COL1A1: variants seen among roughly 807,000 people sequenced by gnomAD.
The protein encoded by COL1A1 is collagen alpha-1(I) chain.
A neutral mutation model predicts 195.7 loss-of-function variants in COL1A1; 21 were observed. The ratio of observed to expected loss-of-function variants is 0.11; its 90% CI spans 0.08 to 0.15. The LOEUF (loss-of-function observed/expected upper bound fraction) is 0.15. Ranked by LOEUF, COL1A1 falls within the 10% of genes least tolerant of loss-of-function variation. The pLI is 1.00. For synonymous variants in COL1A1, 749 were observed against 747.3 expected, an observed-to-expected ratio of 1.00 and a Z score of -0.04; for missense variants, 1,365 against 2,051.0, an observed-to-expected ratio of 0.67 and a Z score of 6.46.
chr17:50,195,354 C>T lies in COL1A1; in HGVS notation c.1201-24G>A, dbSNP rs756422066. 1.2e-5 allele frequency: 19 copies of T among 1,613,402 alleles called. No individual in the cohort carries two copies. Among genetic ancestry groups the T allele is most frequent in the African/African-American group, 4.0e-5 (3 of 74,812 alleles). On this transcript the variant is annotated intron_variant, in intron 18 of 50. Coordinates refer to ENST00000225964, the MANE Select transcript of COL1A1 (RefSeq NM_000088.4). The surrounding 1 kb of genome is among the most constrained non-coding windows in gnomAD (Gnocchi z 4.3). ...CCCTGTGGGAGGCAGACAGCCAGGG[C>T]GTGAGCCTAGGAGCAGAGGGAAAGG... is the stretch of plus-strand genomic sequence containing the variant.
chr17:50,200,086 A>C, intron 1 of COL1A1, 139 bp from the exon 2 acceptor site: 3 of 943,944 alleles, frequency 3.2e-6, no homozygotes, highest in Non-Finnish European at 5.0e-6. Flanking sequence ...AAATCCTTAA[A>C]AGCTCGCCTG....
At position 50,199,871 on chromosome 17, in the gene COL1A1, G is replaced by A. The variant is rs374909743; in HGVS notation, c.180C>T (p.Ile60=). Residue 60 remains isoleucine, a synonymous_variant, in exon 2 of 51, where the codon ATC becomes ATT. Coordinates refer to ENST00000225964, the MANE Select transcript of COL1A1 (RefSeq NM_000088.4). ...RDVWKPEPCR[I]CVCDNGKVLC... ...ACACCTTGCCGTTGTCGCAGACGCA[G>A]ATCCGGCAGGGCTCGGGTTTCCACA... 2.5e-6 allele frequency: 4 copies of A among 1,614,096 alleles called. No individual in the cohort carries two copies. In the African/African-American group the frequency reaches 4.0e-5, roughly 16 times the overall value.
chr17:50,199,956 G>A lies in COL1A1; in HGVS notation c.104-9C>T. On this transcript the variant is annotated splice_polypyrimidine_tract_variant and intron_variant, in intron 1 of 50. Transcript: ENST00000225964. The stretch of plus-strand genomic sequence containing the variant: ...GCAGGTGATTGGTGGGACTGGGACA[G>A]GCGGAAGAGGGGCGTTGTCAGTAGT... The A allele has an allele frequency of 6.2e-7, 1 of 1,614,082 alleles. No homozygotes were observed. The highest frequency in any genetic ancestry group is 8.5e-7 in the Non-Finnish European group (1 of 1,180,016).
At chr17:50,196,269 C>A in intron 14 of COL1A1, 45 bp downstream of exon 14, 1 of 1,610,248 alleles carries the variant, frequency 6.2e-7, no homozygotes, top group Non-Finnish European at 8.5e-7. Context: ...CCTGGGGAGC[C>A]CCTTCCAGAG....
chr17:50,189,993 C>G lies in COL1A1; in HGVS notation c.2559+8G>C, dbSNP rs1329991900. 6.2e-7 allele frequency: 1 copy of G among 1,611,936 alleles called. No individual in the cohort carries two copies. The highest frequency in any genetic ancestry group is 8.5e-7 in the Non-Finnish European group (1 of 1,179,096). Reference sequence around the variant, plus strand: ...AGCCTCGTGGGCACAGAGGGCCAAGCCACTCACAATGGGGCCAGGGGGTCC... The same window carrying G: ...AGCCTCGTGGGCACAGAGGGCCAAGGCACTCACAATGGGGCCAGGGGGTCC... On this transcript the variant is annotated splice_region_variant and intron_variant, in intron 36 of 50. Coordinates refer to ENST00000225964, the MANE Select transcript of COL1A1 (RefSeq NM_000088.4). The surrounding 1 kb of genome is among the most constrained non-coding windows in gnomAD (Gnocchi z 5.5).
chr17:50,201,138 C>T (rs1245888748), intron 1 of COL1A1, among the ~76,000 whole-genome samples: 1 of 152,230 alleles, frequency 6.6e-6, no homozygotes, highest in East Asian at 1.9e-4. Context: ...GCACCCAGAT[C>T]CCCACTTCCC....
rs369422507 is a variant in COL1A1 at position 50,194,567 on chromosome 17, G to A, written c.1515+6C>T. ...GGTCAGCCCCCCGGCCGCAAGGAGA[G>A]GTTACCTTGGGACCAGCAACACCAT... On this transcript the variant is annotated splice_donor_region_variant and intron_variant, in intron 22 of 50. Coordinates refer to ENST00000225964, the MANE Select transcript of COL1A1 (RefSeq NM_000088.4). The surrounding 1 kb of genome is among the most constrained non-coding windows in gnomAD (Gnocchi z 6.8). 1.4e-5 allele frequency: 22 copies of A among 1,591,068 alleles called. No individual in the cohort carries two copies. Among genetic ancestry groups the A allele is most frequent in the Admixed American group, 7.3e-5 (4 of 55,134 alleles).
intron 9 of COL1A1, among the ~76,000 whole-genome samples, 190 bp from the exon 10 acceptor site, chr17:50,197,423 T>C (rs1450860850): frequency 6.6e-6 from 1 of 152,242 alleles, no homozygotes; most frequent in Non-Finnish European, 1.5e-5. Flanking sequence ...TCTGAGTGCC[T>C]CTAAAGGAAT....
intron 15 of COL1A1, 62 bp downstream of exon 15, chr17:50,196,093 C>T (rs1907558683): frequency 6.2e-7 from 1 of 1,611,566 alleles, no homozygotes; most frequent in South Asian, 1.1e-5. Context: ...TTGTCAGCCC[C>T]AAGAGCAGAT....
chr17:50,199,599 C>T lies in COL1A1; in HGVS notation c.299-9G>A, dbSNP rs373041336. The T allele has an allele frequency of 6.2e-7, 1 of 1,614,042 alleles. No homozygotes were observed. The highest frequency in any genetic ancestry group is 1.1e-5 in the South Asian group (1 of 91,082). ...TTGGTCGGTGGGTGACTCTAGGGGA[C>T]GAAGAGACGCGCGTTAGAGCCAAGG... On this transcript the variant is annotated splice_polypyrimidine_tract_variant and intron_variant, in intron 2 of 50. Transcript: ENST00000225964.
intron 32 of COL1A1, 106 bp downstream of exon 32, chr17:50,191,277 C>T (rs377076585): frequency 1.5e-5 from 16 of 1,097,444 alleles, no homozygotes; most frequent in East Asian, 4.7e-5. Context: ...GGAGGATTAG[C>T]GAGAAGAGGG....
At position 50,199,373 on chromosome 17, in the gene COL1A1, C is replaced by T. The variant is rs745420666; in HGVS notation, c.369+45G>A. 7 of 1,610,562 alleles carry T rather than the reference C, an allele frequency of 4.3e-6. No individual in the cohort carries two copies. The Admixed American group carries it at 1.0e-4, about 23-fold the overall frequency. On this transcript the variant is annotated intron_variant, in intron 4 of 50. Transcript: ENST00000225964. The stretch of plus-strand genomic sequence containing the variant: ...GCCGGGGTGAGCGTGGGGCCGAGAG[C>T]CATGCCCACCTGCAGCCCCCCACAG...
In COL1A1 at chr17:50,188,299, G is replaced by T; in HGVS notation, c.3208-150C>A. The stretch of plus-strand genomic sequence containing the variant: ...CAACTCCCAGGGAAACCTCCCCACT[G>T]CAATCTTCACGGGAGCTGGGGCCAA... On this transcript the variant is annotated intron_variant, in intron 43 of 50. Coordinates refer to ENST00000225964, the MANE Select transcript of COL1A1 (RefSeq NM_000088.4). This position sits in a 1 kb window ranked among gnomAD's most constrained non-coding sequence, Gnocchi z 5.6. The T allele has an allele frequency of 1.1e-6, 1 of 906,912 alleles. No individual in the cohort carries two copies. The allele number at this position is 906,912 out of a possible 1,614,324, so 56.2% of individuals were successfully genotyped here.
rs376047287 is a variant in COL1A1, at chr17:50,193,032, C to G, written c.1783G>C (p.Ala595Pro). The G allele has an allele frequency of 3.1e-6, 5 of 1,613,986 alleles. No homozygotes were observed. Among genetic ancestry groups the G allele is most frequent in the East Asian group, 2.2e-5 (1 of 44,888 alleles). Residue 595 changes from alanine to proline, a missense_variant, in exon 26 of 51, where the codon GCT becomes CCT. Transcript: ENST00000225964. ...GGTCCGGGAACACCTCGCTCTCCAG[C>G]CTTGCCGGGCTCTCCCTGTGGAGAA... The part of the protein sequence containing the change: ...PKGAAGEPGK[A>P]GERGVPGPPG...
Position 50,187,922 on chromosome 17 carries a change from T to C in COL1A1, c.3323A>G (p.Lys1108Arg). 1 of 1,613,556 alleles carries C rather than the reference T, an allele frequency of 6.2e-7. No individual in the cohort carries two copies. The highest frequency in any genetic ancestry group is 2.2e-5 in the East Asian group (1 of 44,856). The change falls in exon 45 of 51, where the codon AAG becomes AGG. Residue 1108 changes from lysine to arginine, a missense_variant. Coordinates refer to ENST00000225964, the MANE Select transcript of COL1A1 (RefSeq NM_000088.4). ...GAGGCCAGAGAAGCCACGGTGACCC[T>C]TTATGCCTCTGTCGCCCTGTTCGCC... ...ETGEQGDRGIKGHRGFSGLQG... is the reference protein window; with the variant it reads ...ETGEQGDRGIRGHRGFSGLQG...
rs1246235504 is a variant in COL1A1, at chr17:50,186,232, GAGACCTACTCC to G, written c.4005+74_4005+84del. On this transcript the variant is annotated intron_variant, in intron 49 of 50. Coordinates refer to ENST00000225964, the MANE Select transcript of COL1A1 (RefSeq NM_000088.4). This position sits in a 1 kb window ranked among gnomAD's most constrained non-coding sequence, Gnocchi z 5.3. ...CCAGCTCTGTCCATCACCCTTAGCA[GAGACCTACTCC>G]AGGACTTCATGTCCCTTCTGAGCAC... 5 of 1,579,694 alleles carry G rather than the reference GAGACCTACTCC, an allele frequency of 3.2e-6. No homozygotes were observed. The highest frequency in any genetic ancestry group is 3.3e-5 in the Admixed American group (2 of 59,944).
chr17:50,200,955 AC>A (rs1001533491), intron 1 of COL1A1, among the ~76,000 whole-genome samples: 12 of 151,744 alleles, frequency 7.9e-5, no homozygotes, highest in African/African-American at 2.4e-4. Context: ...CACGCTCCGC[AC>A]CCCCTCCGCG....
rs1907508197 is a variant in COL1A1 at position 50,195,561 on chromosome 17, A to G, written c.1155+6T>C. Reference sequence around the variant, plus strand: ...GCAAAGGGGACACTGAGTCGGGGACACTTACAGCAGGGCCAGCAGCACCAG... The same window carrying G: ...GCAAAGGGGACACTGAGTCGGGGACGCTTACAGCAGGGCCAGCAGCACCAG... On this transcript the variant is annotated splice_donor_region_variant and intron_variant, in intron 17 of 50. Transcript: ENST00000225964. The surrounding 1 kb of genome is among the most constrained non-coding windows in gnomAD (Gnocchi z 4.3). 14 of 1,614,058 alleles carry G rather than the reference A, an allele frequency of 8.7e-6. No individual in the cohort carries two copies. The highest frequency in any genetic ancestry group is 1.2e-5 in the Non-Finnish European group (14 of 1,179,976).
intron 7 of COL1A1, 22 bp from the exon 8 acceptor site, chr17:50,198,024 G>A: frequency 1.2e-6 from 2 of 1,613,562 alleles, no homozygotes; most frequent in African/African-American, 1.3e-5. Context: ...GGAAAAAGAT[G>A]GGTTAGAAGA....
Sources: gnomAD v4.1 joint callset for allele counts (sites outside exome capture counted in the v4.1 genomes callset) on GRCh38, gnomAD v4.1.1 for gene constraint, Gnocchi (gnomAD v3.1) non-coding constraint, MANE v1.5 for transcripts, NCBI Gene and HGNC (gene_info 2026-07-23, HGNC 2026-07-21) for gene names.